Variants in ACYP2 observed in about 807,000 individuals in gnomAD.
The protein encoded by ACYP2 is acylphosphatase 2.
A neutral mutation model predicts 11.2 loss-of-function variants in ACYP2; 12 were observed. The observed-to-expected ratio is 1.08, with a 90% confidence interval of 0.69 to 1.74. The LOEUF (loss-of-function observed/expected upper bound fraction) is 1.74, where lower values mean the gene tolerates loss of function less well. Ranked by LOEUF, ACYP2 falls within the 40% of genes most tolerant of loss-of-function variation. The pLI is 0.00. For synonymous variants in ACYP2, 43 were observed against 32.2 expected, an observed-to-expected ratio of 1.33 and a Z score of -1.13; for missense variants, 134 against 101.9, an observed-to-expected ratio of 1.31 and a Z score of -1.35.
rs1319551976 is a variant in ACYP2, at chr2:54,305,077, CAATGAACA to C, written c.*276_*283del. ...ACTTGTCTCATGGAATCTTTAATTT[CAATGAACA>C]TTACAGCATATATATGTTATTTGGC... On this transcript the variant is annotated 3_prime_UTR_variant, in exon 7 of 7. Coordinates refer to ENST00000607452, the MANE Select transcript of ACYP2 (RefSeq NM_001320586.2). 5.1e-5 allele frequency: 12 copies of C among 233,028 alleles called. No homozygotes were observed. In the South Asian group the frequency reaches 1.1e-3, roughly 21 times the overall value. The allele number at this position is 233,028 out of a possible 1,614,324, so 14.4% of individuals were successfully genotyped here.
chr2:54,192,756 G>A (rs1208161557), intron 6 of ACYP2, among the ~76,000 whole-genome samples: 3 of 152,136 alleles, frequency 2.0e-5, no homozygotes, highest in Non-Finnish European at 1.5e-5. Context: ...TCACGGTTCT[G>A]CATGGCTAGG....
chr2:53,986,941 T>C (rs2104514996), intron 2 of ACYP2, among the ~76,000 whole-genome samples: 1 of 152,274 alleles, frequency 6.6e-6, no homozygotes, highest in South Asian at 2.1e-4. Context: ...CTTTTCTTTA[T>C]AAATTATCCA....
At chr2:54,143,659 C>T (rs1310419768) in intron 6 of ACYP2, among the ~76,000 whole-genome samples, 1 of 149,498 alleles carries the variant, frequency 6.7e-6, no homozygotes, top group Admixed American at 6.7e-5. Flanking sequence ...GCCTCGAACT[C>T]CTGACCTCAT....
intron 4 of ACYP2, among the ~76,000 whole-genome samples, chr2:54,072,785 A>G (rs1677133965): frequency 6.6e-6 from 1 of 150,448 alleles, no homozygotes; most frequent in African/African-American, 2.4e-5. Flanking sequence ...CTGGTCTTGA[A>G]CTCCTGACCT....
intron 2 of ACYP2, among the ~76,000 whole-genome samples, chr2:54,020,023 A>G (rs889564672): frequency 9.3e-5 from 13 of 140,126 alleles, no homozygotes; most frequent in East Asian, 4.3e-4. Context: ...GCTCACTGCA[A>G]CCTCCTGGGT....
At chr2:54,071,966 G>A (rs765522804) in intron 4 of ACYP2, among the ~76,000 whole-genome samples, 14 of 151,982 alleles carry the variant, frequency 9.2e-5, no homozygotes, top group South Asian at 4.2e-4. Context: ...AGCTGAGATC[G>A]CACCACTGCA....
intron 4 of ACYP2, among the ~76,000 whole-genome samples, chr2:54,091,703 G>A (rs544170956): frequency 4.4e-4 from 67 of 152,006 alleles, no homozygotes; most frequent in Non-Finnish European, 7.5e-4. Flanking sequence ...GTAGAGATGC[G>A]GTTTTGCCAT....
intron 4 of ACYP2, among the ~76,000 whole-genome samples, chr2:54,118,834 C>T (rs891279039): frequency 1.3e-4 from 20 of 152,054 alleles, no homozygotes; most frequent in African/African-American, 4.6e-4. Context: ...ACAAACTCAC[C>T]ATCACATATT....
At chr2:54,089,443 T>C (rs1678107663) in intron 4 of ACYP2, among the ~76,000 whole-genome samples, 1 of 152,252 alleles carries the variant, frequency 6.6e-6, no homozygotes, top group East Asian at 1.9e-4. Flanking sequence ...TTACTATTTT[T>C]CAACATACAA....
At chr2:54,081,079 C>T (rs1197504839) in intron 4 of ACYP2, among the ~76,000 whole-genome samples, 1 of 152,164 alleles carries the variant, frequency 6.6e-6, no homozygotes, top group Non-Finnish European at 1.5e-5. Context: ...ACCTCAAATA[C>T]TCTTTGAGTT....
At chr2:53,981,528 C>T (rs941199456) in intron 2 of ACYP2, among the ~76,000 whole-genome samples, 2 of 152,154 alleles carry the variant, frequency 1.3e-5, no homozygotes, top group Non-Finnish European at 2.9e-5. Context: ...GAAGACTTGG[C>T]TTGCAATCAG....
At chr2:54,070,228 C>T (rs1450645200) in intron 4 of ACYP2, among the ~76,000 whole-genome samples, 1 of 149,238 alleles carries the variant, frequency 6.7e-6, no homozygotes, top group Non-Finnish European at 1.5e-5. Context: ...CAAGATTGTG[C>T]CATTGCACTC....
rs775729083 is a variant in ACYP2, at chr2:54,261,214, G to GT, written c.405-43470dup. Among the ~76,000 whole-genome samples the GT allele has an allele frequency of 8.8e-4, 133 of 151,012 alleles. 1 individual carries two copies. Among genetic ancestry groups the GT allele is most frequent in the Non-Finnish European group, 1.5e-3 (105 of 67,984 alleles). On this transcript the variant is annotated intron_variant, in intron 6 of 6. Coordinates refer to ENST00000607452, the MANE Select transcript of ACYP2 (RefSeq NM_001320586.2). ...TTCTTTTGGGGTTCCATTCTGCTTT[G>GT]TTTTAAGGCATGGACTAGAAACAGT...
At chr2:54,141,426 G>C (rs1159417095) in intron 6 of ACYP2, among the ~76,000 whole-genome samples, 1 of 152,062 alleles carries the variant, frequency 6.6e-6, no homozygotes, top group African/African-American at 2.4e-5. Flanking sequence ...TCTGGAATTT[G>C]TTTTTTATTT....
intron 3 of ACYP2, among the ~76,000 whole-genome samples, chr2:54,052,315 G>A (rs748444504): frequency 5.3e-5 from 8 of 151,992 alleles, no homozygotes; most frequent in Non-Finnish European, 8.8e-5. Flanking sequence ...ACACACTACT[G>A]AACATGTCTT....
chr2:54,299,031 G>A (rs1689623756), intron 6 of ACYP2, among the ~76,000 whole-genome samples: 1 of 152,132 alleles, frequency 6.6e-6, no homozygotes, highest in Admixed American at 6.5e-5. Context: ...GGGATTACAG[G>A]TGTGAGCCAC....
intron 6 of ACYP2, among the ~76,000 whole-genome samples, chr2:54,194,628 G>C (rs1381749851): frequency 1.3e-5 from 2 of 151,810 alleles, no homozygotes; most frequent in African/African-American, 4.8e-5. Context: ...CAACATCAAA[G>C]ACTATGTTAT....
chr2:54,101,691 C>G (rs1299580378), intron 4 of ACYP2, among the ~76,000 whole-genome samples: 2 of 140,836 alleles, frequency 1.4e-5, no homozygotes, highest in African/African-American at 5.2e-5. Flanking sequence ...AAAAAAAAAA[C>G]TGCCAGGTGA....
intron 6 of ACYP2, chr2:54,256,309 T>A (rs916994526): frequency 1.4e-6 from 1 of 715,142 alleles, no homozygotes; most frequent in Non-Finnish European, 2.3e-6. Flanking sequence ...CACTCACTCC[T>A]CAGTCTCGCG....
Sources: allele counts gnomAD v4.1 joint callset (sites outside exome capture counted in the v4.1 genomes callset), GRCh38; gene constraint gnomAD v4.1.1; transcripts MANE v1.5; gene names NCBI Gene and HGNC (gene_info 2026-07-23, HGNC 2026-07-21).